FMN2: variants seen among roughly 807,000 people sequenced by gnomAD.
FMN2 encodes formin 2.
In FMN2, 51 loss-of-function variants were observed where a neutral mutation model predicts 142.3. That is an observed-to-expected ratio of 0.36 (90% CI 0.29 to 0.45). The LOEUF (loss-of-function observed/expected upper bound fraction) is 0.45. Ranked by LOEUF, FMN2 falls within the 20% of genes least tolerant of loss-of-function variation. The probability of loss-of-function intolerance (pLI) is 1.00; values close to 1 mark genes in which losing one functional copy is unlikely to be tolerated. For synonymous variants in FMN2, 882 were observed against 869.8 expected (o/e 1.01, Z -0.25); for missense variants, 1,936 against 2,122.8 (o/e 0.91, Z 1.73).
At chr1:240,315,583 A>G (rs932849673) in intron 8 of FMN2, among the ~76,000 whole-genome samples, 1 of 152,206 alleles carries the variant, frequency 6.6e-6, no homozygotes, top group Admixed American at 6.5e-5. Flanking sequence ...GCCAACATAC[A>G]AGTGTTCAAG....
chr1:240,417,885 C>T (rs560840388), intron 15 of FMN2, among the ~76,000 whole-genome samples: 14 of 152,162 alleles, frequency 9.2e-5, no homozygotes, highest in South Asian at 8.3e-4. Flanking sequence ...AATTCCATGA[C>T]GTTTTCAGAC....
At chr1:240,366,356 G>A (rs1672669568) in intron 14 of FMN2, among the ~76,000 whole-genome samples, 1 of 152,056 alleles carries the variant, frequency 6.6e-6, no homozygotes, top group African/African-American at 2.4e-5. Context: ...CCAACGTATT[G>A]TTTACAATTT....
At chr1:240,376,401 T>C (rs1255874868) in intron 14 of FMN2, among the ~76,000 whole-genome samples, 2 of 152,070 alleles carry the variant, frequency 1.3e-5, no homozygotes, top group Non-Finnish European at 2.9e-5. Context: ...GTTTTCCTTC[T>C]TTTTTTCTTT....
chr1:240,150,422 T>C (rs1159637454), intron 2 of FMN2, among the ~76,000 whole-genome samples: 1 of 152,166 alleles, frequency 6.6e-6, no homozygotes, highest in Non-Finnish European at 1.5e-5. Flanking sequence ...ACAATGTCTG[T>C]AAACACAAGG....
chr1:240,243,922 C>T (rs893864084), intron 6 of FMN2, among the ~76,000 whole-genome samples: 5 of 152,280 alleles, frequency 3.3e-5, no homozygotes, highest in Middle Eastern at 3.4e-3. Flanking sequence ...CTTATATTCT[C>T]CTGGTCATTA....
intron 1 of FMN2, among the ~76,000 whole-genome samples, chr1:240,112,078 T>G (rs1202036341): frequency 2.0e-5 from 3 of 152,290 alleles, no homozygotes; most frequent in African/African-American, 7.2e-5. Context: ...GGGCCTTTCC[T>G]AGATAAAGAT....
intron 16 of FMN2, among the ~76,000 whole-genome samples, chr1:240,453,604 T>C (rs1316793239): frequency 6.6e-6 from 1 of 152,090 alleles, no homozygotes; most frequent in Non-Finnish European, 1.5e-5. Context: ...GAGGAAGAAC[T>C]GGACAGAATG....
intron 15 of FMN2, among the ~76,000 whole-genome samples, chr1:240,428,592 A>G (rs1675037197): frequency 6.6e-6 from 1 of 152,136 alleles, no homozygotes; most frequent in South Asian, 2.1e-4. Context: ...ATCTTCTTGG[A>G]TATGACACTC....
rs766920101 is a variant in FMN2 at position 240,123,339 on chromosome 1, G to C, written c.1776G>C (p.Ser592=). Reference sequence around the variant, plus strand: ...AGAATGCCCAGACGAATGCAGCTTCGTTTGATGTAAGTAGGAGAATTCACT... The same window carrying C: ...AGAATGCCCAGACGAATGCAGCTTCCTTTGATGTAAGTAGGAGAATTCACT... ...CNQNAQTNAA[S]FDQDQLYTWA... The change falls in exon 2 of 18, where the codon TCG becomes TCC. Residue 592 remains serine, a synonymous_variant. Transcript: ENST00000319653. The C allele has an allele frequency of 6.2e-7, 1 of 1,613,580 alleles. No homozygotes were observed. The highest frequency in any genetic ancestry group is 1.1e-5 in the South Asian group (1 of 91,024).
chr1:240,299,526 C>T (rs985176640), intron 8 of FMN2, among the ~76,000 whole-genome samples: 3 of 152,164 alleles, frequency 2.0e-5, no homozygotes, highest in East Asian at 1.9e-4. Context: ...TAAAGCTAAC[C>T]ATTGCTATCC....
chr1:240,432,121 A>G (rs1397223276), intron 15 of FMN2, among the ~76,000 whole-genome samples: 1 of 151,978 alleles, frequency 6.6e-6, no homozygotes, highest in Non-Finnish European at 1.5e-5. Flanking sequence ...GAGTGTGGAG[A>G]TAAATTTGAT....
At chr1:240,109,763 A>G (rs1239791081) in intron 1 of FMN2, among the ~76,000 whole-genome samples, 1 of 151,342 alleles carries the variant, frequency 6.6e-6, no homozygotes, top group Non-Finnish European at 1.5e-5. Flanking sequence ...TGAGACACTG[A>G]CTCTCCCTGC....
In FMN2 at chr1:240,434,535, T is replaced by G. The variant is rs201279757; in HGVS notation, c.4911-3526T>G. On this transcript the variant is annotated intron_variant, in intron 15 of 17. Transcript: ENST00000319653. ...GTCCTGTTATTTGCTTGTTTTTTTT[T>G]GTTTTGTTTTTTGTTTTTTGTTTTT... Among the ~76,000 whole-genome samples the G allele has an allele frequency of 1.5e-4, 21 of 144,592 alleles. No individual in the cohort carries two copies. The Admixed American group carries it at 1.5e-3, about 10-fold the overall frequency. The allele number at this position is 144,592 out of a possible 152,430, so 94.9% of individuals were successfully genotyped here.
At position 240,092,840 on chromosome 1, in the gene FMN2, G is replaced by C. The variant is rs1021104317; in HGVS notation, c.731G>C (p.Gly244Ala). The change falls in exon 1 of 18, where the codon GGG (glycine) becomes GCG (alanine). Residue 244 changes from glycine to alanine, a missense_variant. By Grantham distance (60) the Gly-to-Ala change is moderately conservative. This residue lies in a region of FMN2 where 751 missense variants were observed against 791.8 expected (regional missense o/e 0.95). Transcript: ENST00000319653. ...CCCACTGCCGTCTCCCCTCAGCCCG[G>C]GGCCTTCCTGGGCCTGGACCGGTTC... ...APPTAVSPQP[G>A]AFLGLDRFLL... 9 of 1,552,944 alleles carry C rather than the reference G, an allele frequency of 5.8e-6. No individual in the cohort carries two copies. The African/African-American group carries it at 1.2e-4, about 21-fold the overall frequency.
chr1:240,208,781 G>A (rs189755907), intron 5 of FMN2, 49 bp downstream of exon 5: 3 of 1,536,722 alleles, frequency 2.0e-6, no homozygotes, highest in Non-Finnish European at 1.8e-6. Context: ...CAGTATTAGG[G>A]AAGTGTTTAC....
intron 2 of FMN2, chr1:240,145,313 A>AGGGCCGCCGCTGG: frequency 8.1e-7 from 1 of 1,236,852 alleles, no homozygotes; most frequent in Non-Finnish European, 1.1e-6. Flanking sequence ...CATGCCGCTG[A>AGGGCCGCCGCTGG]GGGCCGCCGC....
At chr1:240,342,342 A>T (rs956174522) in intron 13 of FMN2, among the ~76,000 whole-genome samples, 1 of 152,158 alleles carries the variant, frequency 6.6e-6, no homozygotes, top group African/African-American at 2.4e-5. Context: ...TAGCAGAAAC[A>T]TTTTTCCATA....
At chr1:240,187,837 T>G (rs1463211407) in intron 3 of FMN2, among the ~76,000 whole-genome samples, 1 of 152,156 alleles carries the variant, frequency 6.6e-6, no homozygotes, top group Non-Finnish European at 1.5e-5. Flanking sequence ...TCCTTCAACC[T>G]TGGTGAAGTG....
At chr1:240,419,691 T>C (rs554717329) in intron 15 of FMN2, among the ~76,000 whole-genome samples, 5 of 152,310 alleles carry the variant, frequency 3.3e-5, no homozygotes, top group Admixed American at 2.0e-4. Flanking sequence ...TGCAGGTTTC[T>C]TTGTAGAAGG....
Sources: allele counts gnomAD v4.1 joint callset (sites outside exome capture counted in the v4.1 genomes callset), GRCh38; gene constraint gnomAD v4.1.1; regional missense constraint gnomAD v4.1.1; transcripts MANE v1.5; gene names NCBI Gene and HGNC (gene_info 2026-07-23, HGNC 2026-07-21).